The following ZHX2 variants were observed in gnomAD, a reference collection of about 807,000 sequenced individuals.
The protein encoded by ZHX2 is zinc fingers and homeoboxes 2, also known as zinc fingers and homeoboxes protein 2.
Under a neutral mutation model 21.9 loss-of-function variants are expected in ZHX2, and 6 were observed. The observed-to-expected ratio is 0.27, with a 90% CI of 0.15 to 0.54. The LOEUF is 0.54. Ranked by LOEUF, ZHX2 falls within the 20% of genes least tolerant of loss-of-function variation. The pLI, the probability that ZHX2 is intolerant of heterozygous loss-of-function variation, is 0.95. For synonymous variants in ZHX2, 434 were observed against 437.1 expected, an observed-to-expected ratio of 0.99 and a Z score of 0.09; for missense variants, 908 against 1,090.7, an observed-to-expected ratio of 0.83 and a Z score of 2.36.
chr8:122,851,073 A>G (rs903857011), intron 1 of ZHX2, among the ~76,000 whole-genome samples: 3 of 152,132 alleles, frequency 2.0e-5, no homozygotes, highest in Non-Finnish European at 4.4e-5. Context: ...CATGTTTCGC[A>G]TGGAACTCCA....
chr8:122,881,451 A>G (rs968762960), intron 2 of ZHX2, among the ~76,000 whole-genome samples: 1 of 152,198 alleles, frequency 6.6e-6, no homozygotes, highest in Non-Finnish European at 1.5e-5. Context: ...AATGGGGATA[A>G]TTGTATTTAC....
intron 1 of ZHX2, among the ~76,000 whole-genome samples, chr8:122,837,625 G>A (rs1380562982): frequency 6.6e-6 from 1 of 152,190 alleles, no homozygotes; most frequent in Non-Finnish European, 1.5e-5. Context: ...TTACAGGTGG[G>A]GAATAGAGGG....
chr8:122,935,737 A>G (rs1812668132), intron 2 of ZHX2, among the ~76,000 whole-genome samples: 2 of 152,102 alleles, frequency 1.3e-5, no homozygotes, highest in African/African-American at 4.8e-5. Context: ...GGGTTTCACC[A>G]TGTTAGCCAG....
At chr8:122,835,952 G>A (rs1230948183) in intron 1 of ZHX2, among the ~76,000 whole-genome samples, 2 of 152,250 alleles carry the variant, frequency 1.3e-5, no homozygotes, top group African/African-American at 2.4e-5. Flanking sequence ...TATCTTGCCT[G>A]AGGCCTAAGG....
chr8:122,816,239 T>C (rs1221889212), intron 1 of ZHX2: 1 of 151,994 alleles, frequency 6.6e-6, no homozygotes, highest in Non-Finnish European at 1.5e-5. Context: ...GTGAAGTATT[T>C]CAAATGAAGG....
intron 2 of ZHX2, among the ~76,000 whole-genome samples, chr8:122,941,555 T>C (rs1812843902): frequency 6.6e-6 from 1 of 152,236 alleles, no homozygotes; most frequent in Non-Finnish European, 1.5e-5. Context: ...TTCCCCCGTT[T>C]CTACCTCGTC....
Position 122,943,446 on chromosome 8 carries a change from G to A in ZHX2, c.-219-7846G>A, listed in dbSNP as rs553409749. 1.4e-4 allele frequency among the ~76,000 whole-genome samples: 21 copies of A among 152,270 alleles called. No individual in the cohort carries two copies. In the South Asian group the frequency reaches 2.3e-3, roughly 17 times the overall value. On this transcript the variant is annotated intron_variant, in intron 2 of 3. Coordinates refer to ENST00000314393, the MANE Select transcript of ZHX2 (RefSeq NM_014943.5). ...AACCTCTCTGAGCCTTAGTGTCCAC[G>A]TAGGGTTTCTGAGAAGTGAAACTTA...
chr8:122,932,641 C>T (rs971922196), intron 2 of ZHX2, among the ~76,000 whole-genome samples: 1 of 152,178 alleles, frequency 6.6e-6, no homozygotes, highest in Non-Finnish European at 1.5e-5. Flanking sequence ...AAAAAGAAAC[C>T]TCCTGTCTCC....
At chr8:122,803,803 A>T (rs1025812819) in intron 1 of ZHX2, among the ~76,000 whole-genome samples, 3 of 152,054 alleles carry the variant, frequency 2.0e-5, no homozygotes, top group Non-Finnish European at 2.9e-5. Flanking sequence ...GAAACTCCCA[A>T]TGCCCAGCCC....
rs541545002 is a variant in ZHX2 at position 122,793,720 on chromosome 8, C to T, written c.-283+11774C>T. Among the ~76,000 whole-genome samples, 24 of 152,366 alleles carry T rather than the reference C, an allele frequency of 1.6e-4. No individual in the cohort carries two copies. The South Asian group carries it at 5.0e-3, about 32-fold the overall frequency. ...AAATGATAGAAATGATGAGAGCCTT[C>T]TTTCCAGTTTGGTCAAAGCCTACGT... On this transcript the variant is annotated intron_variant, in intron 1 of 3. Coordinates refer to ENST00000314393, the MANE Select transcript of ZHX2 (RefSeq NM_014943.5).
intron 2 of ZHX2, among the ~76,000 whole-genome samples, chr8:122,878,195 T>A (rs1452112022): frequency 6.6e-6 from 1 of 152,200 alleles, no homozygotes; most frequent in East Asian, 1.9e-4. Flanking sequence ...AGCCATGGTA[T>A]GTTACATTTA....
Position 122,951,293 on chromosome 8 carries a change from T to C in ZHX2, c.-218T>C. ...CCCTGTCTTTGTTCTTGTCCACAGA[T>C]ATGATGCTTCCTGGTGTGTTTAGTG... On this transcript the variant is annotated splice_region_variant and 5_prime_UTR_variant, in exon 3 of 4. Coordinates refer to ENST00000314393, the MANE Select transcript of ZHX2 (RefSeq NM_014943.5). The C allele has an allele frequency of 1.8e-6, 1 of 554,492 alleles. No individual in the cohort carries two copies. Among genetic ancestry groups the C allele is most frequent in the Non-Finnish European group, 3.2e-6 (1 of 310,710 alleles). The allele number at this position is 554,492 out of a possible 1,614,324, so 34.3% of individuals were successfully genotyped here.
chr8:122,915,052 C>G (rs1327522956), intron 2 of ZHX2, among the ~76,000 whole-genome samples: 1 of 152,186 alleles, frequency 6.6e-6, no homozygotes, highest in African/African-American at 2.4e-5. Context: ...GGTGCACTCT[C>G]CTTTCTTGGG....
intron 2 of ZHX2, among the ~76,000 whole-genome samples, chr8:122,874,177 A>G (rs1309620417): frequency 6.6e-6 from 1 of 152,142 alleles, no homozygotes; most frequent in African/African-American, 2.4e-5. Context: ...TCCATCTGCA[A>G]TATTCATTCC....
In ZHX2 at chr8:122,952,780, G is replaced by A. The variant is rs145385431; in HGVS notation, c.1270G>A (p.Ala424Thr). ...CCCCGAACCCAAGCGTCCACACATC[G>A]CTCAGGTGCCAGAGCCCCCACCCAA... ...AAPEPKRPHIAQVPEPPPKVA... is the reference protein window; with the variant it reads ...AAPEPKRPHITQVPEPPPKVA... The change falls in exon 3 of 4, where the codon GCT (alanine) becomes ACT (threonine). Residue 424 changes from alanine to threonine, a missense_variant. Physicochemically the swap from Ala to Thr is moderately conservative, Grantham distance 58. Transcript: ENST00000314393. This position sits in a 1 kb window ranked among gnomAD's most constrained non-coding sequence, Gnocchi z 6.9. The A allele has an allele frequency of 2.6e-5, 42 of 1,613,910 alleles. No individual in the cohort carries two copies. The highest frequency in any genetic ancestry group is 8.3e-5 in the Admixed American group (5 of 60,000).
At chr8:122,795,676 A>G (rs544895190) in intron 1 of ZHX2, among the ~76,000 whole-genome samples, 11 of 152,286 alleles carry the variant, frequency 7.2e-5, no homozygotes, top group African/African-American at 2.2e-4. Flanking sequence ...CTTGTTTTAT[A>G]TTATTTAATC....
At chr8:122,787,594 T>G (rs1817422366) in intron 1 of ZHX2, among the ~76,000 whole-genome samples, 1 of 152,216 alleles carries the variant, frequency 6.6e-6, no homozygotes, top group African/African-American at 2.4e-5. Flanking sequence ...TCCTGTCAAG[T>G]TCAGGGTCAG....
At chr8:122,789,004 C>CCTGGAGGGCATTG (rs1817457588) in intron 1 of ZHX2, among the ~76,000 whole-genome samples, 1 of 152,210 alleles carries the variant, frequency 6.6e-6, no homozygotes, top group Admixed American at 6.5e-5. Context: ...ATTGCGCCCT[C>CCTGGAGGGCATTG]CGCCCTCTCC....
intron 1 of ZHX2, among the ~76,000 whole-genome samples, chr8:122,833,633 G>A (rs1159149880): frequency 1.3e-5 from 2 of 152,122 alleles, no homozygotes; most frequent in Non-Finnish European, 2.9e-5. Flanking sequence ...TGTGGATGTG[G>A]AGAGTAGTGT....
Sources: gnomAD v4.1 joint callset for allele counts (sites outside exome capture counted in the v4.1 genomes callset) on GRCh38, gnomAD v4.1.1 for gene constraint, Gnocchi (gnomAD v3.1) non-coding constraint, MANE v1.5 for transcripts, NCBI Gene and HGNC (gene_info 2026-07-23, HGNC 2026-07-21) for gene names.